Variants in XKR8 observed in about 807,000 individuals in gnomAD.
The protein encoded by XKR8 is XK-related protein 8.
In XKR8, 10 loss-of-function variants were observed where a neutral mutation model predicts 17.1. The observed-to-expected ratio is 0.59, with a 90% CI of 0.36 to 0.99. The LOEUF (loss-of-function observed/expected upper bound fraction) is 0.99. XKR8 is among the 50% of genes least tolerant of loss of function. The pLI is 0.01. For missense variants in XKR8, 411 were observed against 515.6 expected (o/e 0.80, Z 1.96); for synonymous variants, 213 against 251.9 (o/e 0.85, Z 1.46).
chr1:27,962,593 A>T (rs1348546201), intron 1 of XKR8, among the ~76,000 whole-genome samples: 1 of 150,868 alleles, frequency 6.6e-6, no homozygotes, highest in East Asian at 1.9e-4. Flanking sequence ...AAAAAAAGAA[A>T]AAAAAAAAGA....
Position 27,960,308 on chromosome 1 carries a change from C to T in XKR8, c.239C>T (p.Pro80Leu). The T allele has an allele frequency of 2.1e-6, 3 of 1,438,296 alleles. No homozygotes were observed. The highest frequency in any genetic ancestry group is 2.7e-6 in the Non-Finnish European group (3 of 1,103,680). The allele number at this position is 1,438,296 out of a possible 1,614,324, so 89.1% of individuals were successfully genotyped here. Residue 80 changes from proline to leucine, a missense_variant, in exon 1 of 3, where the codon CCC (proline) becomes CTC (leucine). Transcript: ENST00000373884. The surrounding 1 kb of genome is among the most constrained non-coding windows in gnomAD (Gnocchi z 5.9). ...CCTGCCGGCCTGCACGGGTCGCAGCCCCCGCGCCGCTGCCTGGCGCTGCTG... is the reference window on the plus strand; with the variant it reads ...CCTGCCGGCCTGCACGGGTCGCAGCTCCCGCGCCGCTGCCTGGCGCTGCTG... ...ADPAGLHGSQPPRRCLALLHL... is the reference protein window; with the variant it reads ...ADPAGLHGSQLPRRCLALLHL...
intron 1 of XKR8, among the ~76,000 whole-genome samples, chr1:27,961,652 T>C (rs1211211483): frequency 1.3e-5 from 2 of 152,246 alleles, no homozygotes; most frequent in Admixed American, 1.3e-4. Context: ...AATGGGTCTC[T>C]GTTCCTGCCT....
rs1378602284 is a variant in XKR8, at chr1:27,960,132, C to T, written c.63C>T (p.Ala21=). The T allele has an allele frequency of 6.6e-7, 1 of 1,519,798 alleles. No individual in the cohort carries two copies. The highest frequency in any genetic ancestry group is 8.8e-7 in the Non-Finnish European group (1 of 1,140,890). The allele number at this position is 1,519,798 out of a possible 1,614,324, so 94.1% of individuals were successfully genotyped here. A position where few individuals can be genotyped will look rare whatever the true frequency, so the allele number is the denominator to read the frequency against. ...TGGTCCTGGGCGTGCTGGGCACCGC[C>T]GCCTTCCTGCTCGACCTGGGCACCG... ...RDLVLGVLGT[A]AFLLDLGTDL... Residue 21 remains alanine, a synonymous_variant, in exon 1 of 3, where the codon GCC becomes GCT. Transcript: ENST00000373884. This position sits in a 1 kb window ranked among gnomAD's most constrained non-coding sequence, Gnocchi z 5.9.
Position 27,960,080 on chromosome 1 carries a change from C to G in XKR8, c.11C>G (p.Ser4Trp). 1 of 1,462,358 alleles carries G rather than the reference C, an allele frequency of 6.8e-7. No individual in the cohort carries two copies. The highest frequency in any genetic ancestry group is 9.0e-7 in the Non-Finnish European group (1 of 1,112,654). 90.6% of individuals were successfully genotyped at this position (1,462,358 alleles called of 1,614,324 possible). ...GGAGGCCGGCGGGCCATGCCCTGGTCGTCCCGCGGCGCCCTCCTTCGGGAC... is the reference window on the plus strand; with the variant it reads ...GGAGGCCGGCGGGCCATGCCCTGGTGGTCCCGCGGCGCCCTCCTTCGGGAC... MPW[S>W]SRGALLRDLV... Residue 4 changes from serine (S) to tryptophan (W), a missense_variant, in exon 1 of 3, where the codon TCG (serine) becomes TGG (tryptophan). By Grantham distance (177) the Ser-to-Trp change is radical. Transcript: ENST00000373884. This position sits in a 1 kb window ranked among gnomAD's most constrained non-coding sequence, Gnocchi z 5.9.
Position 27,966,809 on chromosome 1 carries a change from C to T in XKR8, c.797C>T (p.Ala266Val). Residue 266 changes from alanine (A) to valine (V), a missense_variant, in exon 3 of 3, where the codon GCC becomes GTC. By Grantham distance (64) the Ala-to-Val change is moderately conservative. Coordinates refer to ENST00000373884, the MANE Select transcript of XKR8 (RefSeq NM_018053.4). This position sits in a 1 kb window ranked among gnomAD's most constrained non-coding sequence, Gnocchi z 4.3. ...GAGTGGCTGTACCGGGTGACGGTGG[C>T]CACCATCCTCTATTTCTCCTGGTTC... Reference protein sequence around the residue: ...SSEWLYRVTVATILYFSWFNV... With the variant: ...SSEWLYRVTVVTILYFSWFNV... The T allele has an allele frequency of 5.0e-6, 8 of 1,613,764 alleles. No homozygotes were observed. Among genetic ancestry groups the T allele is most frequent in the Non-Finnish European group, 6.8e-6 (8 of 1,179,912 alleles).
At position 27,967,094 on chromosome 1, in the gene XKR8, T is replaced by C. The variant is rs774478543; in HGVS notation, c.1082T>C (p.Leu361Pro). ...PDQVDGARSL[L>P]SPEGYQLPQN... ...CAGGTAGACGGGGCCCGGAGTCTGCTTTCTCCAGAGGGGTATCAGCTGCCT... is the reference window on the plus strand; with the variant it reads ...CAGGTAGACGGGGCCCGGAGTCTGCCTTCTCCAGAGGGGTATCAGCTGCCT... Residue 361 changes from leucine to proline, a missense_variant, in exon 3 of 3, where the codon CTT (leucine) becomes CCT (proline). Leu to Pro is a moderately conservative substitution (Grantham distance 98, BLOSUM62 -3). Transcript: ENST00000373884. This position sits in a 1 kb window ranked among gnomAD's most constrained non-coding sequence, Gnocchi z 4.3. 4 of 1,613,898 alleles carry C rather than the reference T, an allele frequency of 2.5e-6. No homozygotes were observed. Among genetic ancestry groups the C allele is most frequent in the Non-Finnish European group, 3.4e-6 (4 of 1,179,910 alleles).
chr1:27,962,091 G>A (rs1638479593), intron 1 of XKR8, among the ~76,000 whole-genome samples: 1 of 152,164 alleles, frequency 6.6e-6, no homozygotes, highest in South Asian at 2.1e-4. Flanking sequence ...CATCTGGCCT[G>A]TGCCCAGAAG....
chr1:27,963,647 G>A lies in XKR8; in HGVS notation c.444G>A (p.Leu148=), dbSNP rs1360412305. The change falls in exon 2 of 3, where the codon CTG becomes CTA. Residue 148 remains leucine (L), a synonymous_variant. Coordinates refer to ENST00000373884, the MANE Select transcript of XKR8 (RefSeq NM_018053.4). The part of the protein sequence containing the change: ...TFLETAPQLT[L]VLAIMLQSGR... The stretch of plus-strand genomic sequence containing the variant: ...TGGAGACGGCACCACAGCTCACGCT[G>A]GTGCTGGCCATCATGCTGCAGAGTG... The A allele has an allele frequency of 6.2e-7, 1 of 1,607,954 alleles. No individual in the cohort carries two copies. The highest frequency in any genetic ancestry group is 1.3e-5 in the African/African-American group (1 of 74,796).
Position 27,967,002 on chromosome 1 carries a change from C to CCTGGCT in XKR8, c.994_999dup (p.Ala332_Leu333dup), listed in dbSNP as rs1018709986. The CCTGGCT allele has an allele frequency of 6.2e-7, 1 of 1,614,010 alleles. No homozygotes were observed. Among genetic ancestry groups the CCTGGCT allele is most frequent in the Non-Finnish European group, 8.5e-7 (1 of 1,180,014 alleles). On this transcript the variant is annotated inframe_insertion, in exon 3 of 3. Coordinates refer to ENST00000373884, the MANE Select transcript of XKR8 (RefSeq NM_018053.4). This position sits in a 1 kb window ranked among gnomAD's most constrained non-coding sequence, Gnocchi z 4.3. ...TGGGATGCGGCTGCTTCTTTCTGGG[C>CCTGGCT]CTGGCTCTGCGGCTTGTGTACTACC...
At chr1:27,962,415 A>G (rs1638484765) in intron 1 of XKR8, among the ~76,000 whole-genome samples, 1 of 152,118 alleles carries the variant, frequency 6.6e-6, no homozygotes, top group Non-Finnish European at 1.5e-5. Flanking sequence ...CTCTACAAAA[A>G]TTAGCCAGGT....
chr1:27,961,317 G>C (rs1196104600), intron 1 of XKR8, among the ~76,000 whole-genome samples: 1 of 152,242 alleles, frequency 6.6e-6, no homozygotes, highest in Non-Finnish European at 1.5e-5. Context: ...ATGCGACAAA[G>C]TCAGGGCAGA....
Position 27,966,719 on chromosome 1 carries a change from T to A in XKR8, c.707T>A (p.Leu236Gln). 1 of 1,614,180 alleles carries A rather than the reference T, an allele frequency of 6.2e-7. No individual in the cohort carries two copies. Among genetic ancestry groups the A allele is most frequent in the Non-Finnish European group, 8.5e-7 (1 of 1,180,016 alleles). The change falls in exon 3 of 3, where the codon CTG becomes CAG. Residue 236 changes from leucine to glutamine, a missense_variant. Physicochemically the swap from Leu to Gln is moderately radical, Grantham distance 113. Coordinates refer to ENST00000373884, the MANE Select transcript of XKR8 (RefSeq NM_018053.4). The surrounding 1 kb of genome is among the most constrained non-coding windows in gnomAD (Gnocchi z 4.3). Reference sequence around the variant, plus strand: ...TATGTGGCCCTGCACTTCCTGGGCCTGTGGCTGGTACTGCTGCTCTGGGTC... The same window carrying A: ...TATGTGGCCCTGCACTTCCTGGGCCAGTGGCTGGTACTGCTGCTCTGGGTC... ...PSYVALHFLGLWLVLLLWVWL... is the reference protein window; with the variant it reads ...PSYVALHFLGQWLVLLLWVWL...
In XKR8 at chr1:27,960,498, A is replaced by G. The variant is rs1182709540; in HGVS notation, c.293+136A>G. On this transcript the variant is annotated intron_variant, in intron 1 of 2. Transcript: ENST00000373884. The surrounding 1 kb of genome is among the most constrained non-coding windows in gnomAD (Gnocchi z 5.9). ...ACCAAGTCCTGTGGGCGCCTGGCCT[A>G]CAGGTGAGCGTGCAGCCCTTTACGG... is the stretch of plus-strand genomic sequence containing the variant. 5 of 887,542 alleles carry G rather than the reference A, an allele frequency of 5.6e-6. No individual in the cohort carries two copies. The African/African-American group carries it at 7.1e-5, about 13-fold the overall frequency. 55.0% of individuals were successfully genotyped at this position (887,542 alleles called of 1,614,324 possible).
At chr1:27,964,557 G>A (rs530821072) in intron 2 of XKR8, among the ~76,000 whole-genome samples, 69 of 152,198 alleles carry the variant, frequency 4.5e-4, no homozygotes, top group African/African-American at 1.6e-3. Flanking sequence ...CATCTCTTCT[G>A]TGCCTGTTAC....
At position 27,960,745 on chromosome 1, in the gene XKR8, G is replaced by A. The variant is rs763262630; in HGVS notation, c.293+383G>A. On this transcript the variant is annotated intron_variant, in intron 1 of 2. Transcript: ENST00000373884. This position sits in a 1 kb window ranked among gnomAD's most constrained non-coding sequence, Gnocchi z 5.9. ...GTAGTCACCCTGAGACAGGTGTGAC[G>A]GGCAGGCCTGTTGTGAAGAGTGAGC... Among the ~76,000 whole-genome samples the A allele has an allele frequency of 5.3e-5, 8 of 152,182 alleles. No individual in the cohort carries two copies. The highest frequency in any genetic ancestry group is 1.3e-4 in the Admixed American group (2 of 15,282).
In XKR8 at chr1:27,962,580, CAAAAAAAAAGAA is replaced by C. The variant is rs547236674; in HGVS notation, c.294-905_294-894del. On this transcript the variant is annotated intron_variant, in intron 1 of 2. Coordinates refer to ENST00000373884, the MANE Select transcript of XKR8 (RefSeq NM_018053.4). ...AAGCGACAGATGTAGACTCTGTCTC[CAAAAAAAAAGAA>C]AAAAAAAAAGAGAGAGAGAGGCAGG... Among the ~76,000 whole-genome samples, 539 of 141,210 alleles carry C rather than the reference CAAAAAAAAAGAA, an allele frequency of 3.8e-3. 2 individuals carry two copies. The highest frequency in any genetic ancestry group is 0.011 in the Middle Eastern group (3 of 278). The allele number at this position is 141,210 out of a possible 152,430, so 92.6% of individuals were successfully genotyped here. A position where few individuals can be genotyped will look rare whatever the true frequency, so the allele number is the denominator to read the frequency against.
chr1:27,966,675 C>A lies in XKR8; in HGVS notation c.663C>A (p.Phe221Leu), dbSNP rs1638577730. The A allele has an allele frequency of 6.2e-7, 1 of 1,614,076 alleles. No individual in the cohort carries two copies. Among genetic ancestry groups the A allele is most frequent in the Admixed American group, 1.7e-5 (1 of 60,000 alleles). Reference protein sequence around the residue: ...LWPRVLAVALFSALFPSYVAL... With the variant: ...LWPRVLAVALLSALFPSYVAL... ...CCCGAGTCCTGGCTGTGGCCCTGTT[C>A]TCAGCCCTCTTCCCCAGCTATGTGG... The change falls in exon 3 of 3, where the codon TTC becomes TTA. Residue 221 changes from phenylalanine to leucine, a missense_variant. Transcript: ENST00000373884. The surrounding 1 kb of genome is among the most constrained non-coding windows in gnomAD (Gnocchi z 4.3).
chr1:27,960,550 A>G lies in XKR8; in HGVS notation c.293+188A>G, dbSNP rs763553436. ...AAGGGAATCCCGGTAGACTGCCTTC[A>G]TTCTAGCCCTAGCTTTCCTGGCACA... On this transcript the variant is annotated intron_variant, in intron 1 of 2. Transcript: ENST00000373884. This position sits in a 1 kb window ranked among gnomAD's most constrained non-coding sequence, Gnocchi z 5.9. Among the ~76,000 whole-genome samples, 2 of 152,182 alleles carry G rather than the reference A, an allele frequency of 1.3e-5. No individual in the cohort carries two copies. The highest frequency in any genetic ancestry group is 2.9e-5 in the Non-Finnish European group (2 of 68,016).
chr1:27,967,497 T>C lies in XKR8; in HGVS notation c.*297T>C, dbSNP rs4075779. 8.5e-3 allele frequency: 1,919 copies of C among 226,652 alleles called. 37 individuals carry two copies. The highest frequency in any genetic ancestry group is 0.041 in the African/African-American group (1,788 of 43,906). The allele number at this position is 226,652 out of a possible 1,614,324, so 14.0% of individuals were successfully genotyped here. On this transcript the variant is annotated 3_prime_UTR_variant, in exon 3 of 3. Transcript: ENST00000373884. This position sits in a 1 kb window ranked among gnomAD's most constrained non-coding sequence, Gnocchi z 4.3. ...AGAAGACTACCTTTTCCCCCTGCCA[T>C]TGGTATAGCTGGTGCCCCAAAACTT...
Sources: allele counts gnomAD v4.1 joint callset (sites outside exome capture counted in the v4.1 genomes callset), GRCh38; gene constraint gnomAD v4.1.1; non-coding constraint Gnocchi (gnomAD v3.1); transcripts MANE v1.5; gene names NCBI Gene and HGNC (gene_info 2026-07-23, HGNC 2026-07-21).